DNMT3A: variants seen among roughly 807,000 people sequenced by gnomAD.
DNMT3A encodes the protein DNA methyltransferase 3 alpha, also known as DNA (cytosine-5)-methyltransferase 3A.
In DNMT3A, 267 loss-of-function variants were observed where a neutral mutation model predicts 117.6. That is an observed-to-expected ratio of 2.27 (90% CI 2.05 to 2.51). The LOEUF is 2.51. Ranked by LOEUF, DNMT3A falls within the 30% of genes most tolerant of loss-of-function variation. The pLI is 0.00. For missense variants in DNMT3A, 1,029 were observed against 1,260.2 expected, an observed-to-expected ratio of 0.82 and a Z score of 2.78; for synonymous variants, 432 against 474.8, an observed-to-expected ratio of 0.91 and a Z score of 1.17.
Position 25,314,005 on chromosome 2 carries a change from T to G in DNMT3A, c.-21A>C. On this transcript the variant is annotated 5_prime_UTR_variant, in exon 2 of 23. Transcript: ENST00000321117. ...GGCATCTGGGCGCCGGGAGGCAGGCTGGGGCTGCGCGGGGCTGGGGGGCTG... is the reference window on the plus strand; with the variant it reads ...GGCATCTGGGCGCCGGGAGGCAGGCGGGGGCTGCGCGGGGCTGGGGGGCTG... 6.5e-7 allele frequency: 1 copy of G among 1,533,572 alleles called. No individual in the cohort carries two copies. Among genetic ancestry groups the G allele is most frequent in the Non-Finnish European group, 8.8e-7 (1 of 1,138,640 alleles). 95.0% of individuals were successfully genotyped at this position (1,533,572 alleles called of 1,614,324 possible).
At chr2:25,255,314 C>T (rs966326600) in intron 6 of DNMT3A, among the ~76,000 whole-genome samples, 32 of 152,234 alleles carry the variant, frequency 2.1e-4, no homozygotes, top group African/African-American at 7.7e-4. Context: ...GTAAACCTCC[C>T]TGGTAGTTTA....
rs866380994 is a variant in DNMT3A at position 25,339,670 on chromosome 2, C to T, written c.-178+2156G>A. ...GTAGAACCTGGAGGCAGAGGGGGAC[C>T]ATTTTGCCCCAGAAACCCAGCAGGA... is the stretch of plus-strand genomic sequence containing the variant. On this transcript the variant is annotated intron_variant, in intron 1 of 22. Transcript: ENST00000321117. This position sits in a 1 kb window ranked among gnomAD's most constrained non-coding sequence, Gnocchi z 4.9. Among the ~76,000 whole-genome samples, 1 of 152,162 alleles carries T rather than the reference C, an allele frequency of 6.6e-6. No individual in the cohort carries two copies. The highest frequency in any genetic ancestry group is 1.5e-5 in the Non-Finnish European group (1 of 68,020).
At chr2:25,239,036 C>T in intron 20 of DNMT3A, 94 bp downstream of exon 20, 1 of 1,078,258 alleles carries the variant, frequency 9.3e-7, no homozygotes. Flanking sequence ...CAGAGGCCGG[C>T]CAGAGAGGGC....
rs1674882021 is a variant in DNMT3A, at chr2:25,247,022, T to A, written c.1122+29A>T. 3 of 1,605,502 alleles carry A rather than the reference T, an allele frequency of 1.9e-6. No homozygotes were observed. The highest frequency in any genetic ancestry group is 2.6e-6 in the Non-Finnish European group (3 of 1,175,598). ...CAGGCCTCCTAGTGCTCTAGGCTCCTCCTCCGAGCTCCCAGCAGGGACACT... is the reference window on the plus strand; with the variant it reads ...CAGGCCTCCTAGTGCTCTAGGCTCCACCTCCGAGCTCCCAGCAGGGACACT... On this transcript the variant is annotated intron_variant, in intron 9 of 22. Coordinates refer to ENST00000321117, the MANE Select transcript of DNMT3A (RefSeq NM_022552.5). The surrounding 1 kb of genome is among the most constrained non-coding windows in gnomAD (Gnocchi z 5.6).
intron 1 of DNMT3A, chr2:25,314,391 T>C: frequency 1.0e-6 from 1 of 985,330 alleles, no homozygotes. Context: ...TCCGTGTCGC[T>C]GCGGCCAATG....
chr2:25,281,112 C>T lies in DNMT3A; in HGVS notation c.448+1329G>A, dbSNP rs2031859486. On this transcript the variant is annotated intron_variant, in intron 4 of 22. Transcript: ENST00000321117. The surrounding 1 kb of genome is among the most constrained non-coding windows in gnomAD (Gnocchi z 4.8). ...TTTCACTCCCCTCAGGCCCTTCCCACTCTCGGGAAGTATCAGAATATGTGC... is the reference window on the plus strand; with the variant it reads ...TTTCACTCCCCTCAGGCCCTTCCCATTCTCGGGAAGTATCAGAATATGTGC... 6.6e-6 allele frequency among the ~76,000 whole-genome samples: 1 copy of T among 152,184 alleles called. No individual in the cohort carries two copies. The highest frequency in any genetic ancestry group is 1.5e-5 in the Non-Finnish European group (1 of 68,036).
rs539986146 is a variant in DNMT3A at position 25,333,549 on chromosome 2, T to C, written c.-178+8277A>G. Among the ~76,000 whole-genome samples, 20 of 152,254 alleles carry C rather than the reference T, an allele frequency of 1.3e-4. No homozygotes were observed. The East Asian group carries it at 2.1e-3, about 16-fold the overall frequency. On this transcript the variant is annotated intron_variant, in intron 1 of 22. Coordinates refer to ENST00000321117, the MANE Select transcript of DNMT3A (RefSeq NM_022552.5). The stretch of plus-strand genomic sequence containing the variant: ...TTTCACCATGTTGGCCAGGCTGGTC[T>C]CGAACTCCTCACCTCAGATGATCCA...
Position 25,247,138 on chromosome 2 carries a change from C to CA in DNMT3A, c.1034dup (p.Met345IlefsTer48). The CA allele has an allele frequency of 6.2e-7, 1 of 1,614,088 alleles. No individual in the cohort carries two copies. The highest frequency in any genetic ancestry group is 8.5e-7 in the Non-Finnish European group (1 of 1,179,970). On this transcript the variant is annotated frameshift_variant, in exon 9 of 23. Coordinates refer to ENST00000321117, the MANE Select transcript of DNMT3A (RefSeq NM_022552.5). LOFTEE classifies it high-confidence loss of function. The surrounding 1 kb of genome is among the most constrained non-coding windows in gnomAD (Gnocchi z 5.6). ...ACGCACTGCAAAACGAGCTCAGCGG[C>CA]ATCAGCTTCTCAACACACACCTGGG...
At position 25,336,929 on chromosome 2, in the gene DNMT3A, G is replaced by A. The variant is rs148231742; in HGVS notation, c.-178+4897C>T. Among the ~76,000 whole-genome samples the A allele has an allele frequency of 2.0e-4, 31 of 152,230 alleles. No homozygotes were observed. In the East Asian group the frequency reaches 5.4e-3, roughly 27 times the overall value. On this transcript the variant is annotated intron_variant, in intron 1 of 22. Coordinates refer to ENST00000321117, the MANE Select transcript of DNMT3A (RefSeq NM_022552.5). ...GTTGGTTGTGACCTCACTCTCCTTTGAGCACTTTATTTCTCCCTCTCCAGT... is the reference window on the plus strand; with the variant it reads ...GTTGGTTGTGACCTCACTCTCCTTTAAGCACTTTATTTCTCCCTCTCCAGT...
In DNMT3A at chr2:25,234,144, TG is replaced by T; in HGVS notation, c.*134del. Reference sequence around the variant, plus strand: ...CCGGTATTTCCGCCTCTGTGGTTTTTGTTTTAAATTCCTTTTTCTCTTCTGG... The same window carrying T: ...CCGGTATTTCCGCCTCTGTGGTTTTTTTTTAAATTCCTTTTTCTCTTCTGG... On this transcript the variant is annotated 3_prime_UTR_variant, in exon 23 of 23. Coordinates refer to ENST00000321117, the MANE Select transcript of DNMT3A (RefSeq NM_022552.5). This position sits in a 1 kb window ranked among gnomAD's most constrained non-coding sequence, Gnocchi z 4.5. The T allele has an allele frequency of 2.2e-6, 3 of 1,363,952 alleles. No homozygotes were observed. The South Asian group carries it at 5.1e-5, about 23-fold the overall frequency. 84.5% of individuals were successfully genotyped at this position (1,363,952 alleles called of 1,614,324 possible).
At position 25,247,107 on chromosome 2, in the gene DNMT3A, G is replaced by A. The variant is rs764062059; in HGVS notation, c.1066C>T (p.Gln356Ter). Reference sequence around the variant, plus strand: ...ATGGGCTGCTTGTTGTACGTGGCCTGGTGGAACGCACTGCAAAACGAGCTC... The same window carrying A: ...ATGGGCTGCTTGTTGTACGTGGCCTAGTGGAACGCACTGCAAAACGAGCTC... ...PLSSFCSAFH[Q>*]ATYNKQPMYR... Residue 356 changes from glutamine to a stop codon, truncating the protein, a stop_gained, in exon 9 of 23, where the codon CAG becomes TAG. Coordinates refer to ENST00000321117, the MANE Select transcript of DNMT3A (RefSeq NM_022552.5). LOFTEE classifies it high-confidence loss of function. The surrounding 1 kb of genome is among the most constrained non-coding windows in gnomAD (Gnocchi z 5.6). 12 of 1,613,952 alleles carry A rather than the reference G, an allele frequency of 7.4e-6. No individual in the cohort carries two copies. The highest frequency in any genetic ancestry group is 1.1e-5 in the South Asian group (1 of 91,074).
At chr2:25,239,623 G>A in intron 19 of DNMT3A, 1 of 484,406 alleles carries the variant, frequency 2.1e-6, no homozygotes, top group East Asian at 4.8e-5. Flanking sequence ...ACTACCCAGA[G>A]GCTGGGAGAG....
chr2:25,334,753 A>C (rs926881876), intron 1 of DNMT3A, among the ~76,000 whole-genome samples: 3 of 152,164 alleles, frequency 2.0e-5, no homozygotes, highest in Admixed American at 6.5e-5. Flanking sequence ...AATATCTGCG[A>C]TATTTCTCCC....
intron 2 of DNMT3A, among the ~76,000 whole-genome samples, chr2:25,312,620 G>A (rs1343846248): frequency 2.6e-5 from 4 of 152,186 alleles, no homozygotes; most frequent in African/African-American, 4.8e-5. Flanking sequence ...ACTGCCCAGC[G>A]GGGCTCAGCT....
At chr2:25,255,982 G>A (rs760564280) in intron 6 of DNMT3A, among the ~76,000 whole-genome samples, 15 of 152,174 alleles carry the variant, frequency 9.9e-5, no homozygotes, top group Non-Finnish European at 1.8e-4. Context: ...CCGGCAGGAT[G>A]AGGGTAGATG....
chr2:25,240,443 A>G lies in DNMT3A; in HGVS notation c.2181T>C (p.Thr727=), dbSNP rs1393923480. The G allele has an allele frequency of 1.2e-6, 2 of 1,608,058 alleles. No individual in the cohort carries two copies. The highest frequency in any genetic ancestry group is 1.7e-5 in the Admixed American group (1 of 59,460). ...NPARKGLYEG[T]GRLFFEFYRL... is the part of the protein sequence containing the mutation. ...GGTAGAACTCAAAGAAGAGCCGGCC[A>G]GTGCCCTCTGAGAGGTCGGAAGAGA... The change falls in exon 19 of 23, where the codon ACT becomes ACC. Residue 727 remains threonine (T), a synonymous_variant. Coordinates refer to ENST00000321117, the MANE Select transcript of DNMT3A (RefSeq NM_022552.5).
intron 16 of DNMT3A, among the ~76,000 whole-genome samples, chr2:25,243,572 T>C (rs1221475956): frequency 6.6e-6 from 1 of 152,252 alleles, no homozygotes; most frequent in African/African-American, 2.4e-5. Context: ...TGTATGTTTC[T>C]GTCTTGCTGA....
chr2:25,278,001 TCACACACA>T (rs71397475), intron 4 of DNMT3A, among the ~76,000 whole-genome samples: 18 of 90,500 alleles, frequency 2.0e-4, no homozygotes, highest in Non-Finnish European at 3.4e-4. Flanking sequence ...ACTTGAGTGA[TCACACACA>T]CACACACACA....
intron 3 of DNMT3A, among the ~76,000 whole-genome samples, chr2:25,284,207 G>A: frequency 6.6e-6 from 1 of 152,204 alleles, no homozygotes; most frequent in East Asian, 1.9e-4. Flanking sequence ...CATCAGCACG[G>A]CAAGCCTCAG....
Sources: allele counts gnomAD v4.1 joint callset (sites outside exome capture counted in the v4.1 genomes callset), GRCh38; gene constraint gnomAD v4.1.1; non-coding constraint Gnocchi (gnomAD v3.1); transcripts MANE v1.5; gene names NCBI Gene and HGNC (gene_info 2026-07-23, HGNC 2026-07-21).